RNFT1: variants seen among roughly 807,000 people sequenced by gnomAD.
RNFT1 encodes the protein ring finger protein, transmembrane 1, also known as E3 ubiquitin-protein ligase RNFT1.
RNFT1 carries 35 observed loss-of-function variants against 53.2 expected under a neutral mutation model. That is an observed-to-expected ratio of 0.66 (90% CI 0.50 to 0.87). RNFT1 has a LOEUF of 0.87. Ranked by LOEUF, RNFT1 falls within the 40% of genes least tolerant of loss-of-function variation. The pLI is 0.00. For missense variants in RNFT1, 421 were observed against 515.0 expected (o/e 0.82, Z 1.77); for synonymous variants, 141 against 172.8 (o/e 0.82, Z 1.44).
At chr17:59,955,829 G>A (rs1376510557) in intron 7 of RNFT1, among the ~76,000 whole-genome samples, 3 of 152,132 alleles carry the variant, frequency 2.0e-5, no homozygotes, top group Non-Finnish European at 4.4e-5. Context: ...CCTGAAGTCT[G>A]CTGACCACAC....
intron 7 of RNFT1, among the ~76,000 whole-genome samples, chr17:59,954,876 TTCTTC>T (rs1403274625): frequency 2.0e-5 from 3 of 152,232 alleles, no homozygotes; most frequent in Non-Finnish European, 2.9e-5. Flanking sequence ...TATTTGAATT[TTCTTC>T]TCTTCTAATG....
In RNFT1 at chr17:59,954,113, A is replaced by C; in HGVS notation, c.1105T>G (p.Ser369Ala). 6.2e-7 allele frequency: 1 copy of C among 1,603,398 alleles called. No homozygotes were observed. Among genetic ancestry groups the C allele is most frequent in the Non-Finnish European group, 8.5e-7 (1 of 1,176,756 alleles). Residue 369 changes from serine (S) to alanine (A), a missense_variant, in exon 8 of 9, where the codon TCA (serine) becomes GCA (alanine). Ser to Ala is a moderately conservative substitution (Grantham distance 99). Transcript: ENST00000305783. The part of the protein sequence containing the change: ...YGVAASKRQC[S>A]DVDDICSICQ... ...ATTGAACAAATATCATCCACATCTG[A>C]ACACTGTCTCTTGCTGGCAGCCACT...
At chr17:59,953,187 A>C in intron 8 of RNFT1, 76 bp from the exon 9 acceptor site, 1 of 935,168 alleles carries the variant, frequency 1.1e-6, no homozygotes, top group African/African-American at 2.2e-5. Context: ...AATGAAAGGG[A>C]TTCTTTTTTT....
rs1013537709 is a variant in RNFT1, at chr17:59,957,453, T to A, written c.847-71A>T. On this transcript the variant is annotated intron_variant, in intron 5 of 8. Transcript: ENST00000305783. ...CTACATAGCACAAACAATATTAGAC[T>A]GAGAACACTGAGTATATTATACAAT... 3.1e-5 allele frequency: 31 copies of A among 1,007,788 alleles called. No individual in the cohort carries two copies. The Admixed American group carries it at 7.4e-4, about 24-fold the overall frequency. 62.4% of individuals were successfully genotyped at this position (1,007,788 alleles called of 1,614,324 possible).
rs1383213930 is a variant in RNFT1 at position 59,962,628 on chromosome 17, T to A, written c.515-12A>T. ...TCCAAGAGAAATTCCTGTTAGAAAA[T>A]AAGTTCCAGTTAATTGAAAGAAAAA... On this transcript the variant is annotated splice_polypyrimidine_tract_variant and intron_variant, in intron 2 of 8. Transcript: ENST00000305783. The A allele has an allele frequency of 1.2e-5, 19 of 1,573,834 alleles. No homozygotes were observed. The highest frequency in any genetic ancestry group is 1.6e-5 in the Non-Finnish European group (19 of 1,158,584).
Position 59,964,684 on chromosome 17 carries a change from G to A in RNFT1, c.-21C>T, listed in dbSNP as rs1001898939. Reference sequence around the variant, plus strand: ...GGCATACACCGCCTCCAGCCCTTCAGTCGGGGCCATCAACCGCAAACCCCG... The same window carrying A: ...GGCATACACCGCCTCCAGCCCTTCAATCGGGGCCATCAACCGCAAACCCCG... On this transcript the variant is annotated 5_prime_UTR_variant, in exon 1 of 9. Coordinates refer to ENST00000305783, the MANE Select transcript of RNFT1 (RefSeq NM_016125.4). 1.9e-6 allele frequency: 3 copies of A among 1,593,384 alleles called. No homozygotes were observed.
At chr17:59,959,013 G>C (rs931921776) in intron 4 of RNFT1, among the ~76,000 whole-genome samples, 9 of 151,914 alleles carry the variant, frequency 5.9e-5, no homozygotes, top group Non-Finnish European at 8.8e-5. Context: ...CTCTTTCCTG[G>C]GTTAGTTTTG....
chr17:59,953,337 A>G (rs1212194257), intron 8 of RNFT1, among the ~76,000 whole-genome samples: 1 of 152,078 alleles, frequency 6.6e-6, no homozygotes, highest in Non-Finnish European at 1.5e-5. Flanking sequence ...TGCCGGGATT[A>G]CAGGTGACCA....
At chr17:59,964,129 G>A (rs2045316979) in intron 1 of RNFT1, among the ~76,000 whole-genome samples, 1 of 152,180 alleles carries the variant, frequency 6.6e-6, no homozygotes, top group African/African-American at 2.4e-5. Flanking sequence ...CAGAAGAACA[G>A]AGTCGGAATC....
intron 7 of RNFT1, among the ~76,000 whole-genome samples, chr17:59,955,443 G>A (rs1863814342): frequency 6.6e-6 from 1 of 152,180 alleles, no homozygotes; most frequent in African/African-American, 2.4e-5. Flanking sequence ...ATTGATGACT[G>A]ATATCCTCTC....
At chr17:59,956,879 G>A (rs1298544799) in intron 6 of RNFT1, among the ~76,000 whole-genome samples, 7 of 152,142 alleles carry the variant, frequency 4.6e-5, no homozygotes, top group South Asian at 4.1e-4. Flanking sequence ...GTTGAGGGGT[G>A]CAGGCATGGA....
intron 4 of RNFT1, chr17:59,958,660 GA>G: frequency 1.7e-6 from 1 of 602,954 alleles, no homozygotes; most frequent in Non-Finnish European, 3.1e-6. Flanking sequence ...ATAGAATAAG[GA>G]AAAAGTCTTC....
chr17:59,958,405 G>A lies in RNFT1; in HGVS notation c.732C>T (p.Phe244=). 1 of 1,595,714 alleles carries A rather than the reference G, an allele frequency of 6.3e-7. No homozygotes were observed. Among genetic ancestry groups the A allele is most frequent in the Non-Finnish European group, 8.5e-7 (1 of 1,175,532 alleles). ...FLNPTLDHLS[F]WEVFWIVGIT... ...TTCCAACAATCCAAAATACTTCCCA[G>A]AAGCTCAAATGGTCCAAAGTAGGAT... The change falls in exon 5 of 9, where the codon TTC becomes TTT. Residue 244 remains phenylalanine, a synonymous_variant. Coordinates refer to ENST00000305783, the MANE Select transcript of RNFT1 (RefSeq NM_016125.4).
rs771557590 is a variant in RNFT1 at position 59,953,013 on chromosome 17, C to T, written c.1272G>A (p.Lys424=). The T allele has an allele frequency of 3.1e-6, 5 of 1,613,480 alleles. No individual in the cohort carries two copies. Among genetic ancestry groups the T allele is most frequent in the Non-Finnish European group, 4.2e-6 (5 of 1,179,700 alleles). Residue 424 remains lysine, a synonymous_variant, in exon 9 of 9, where the codon AAG becomes AAA. Transcript: ENST00000305783. ...GAAGGTGTGATGAAGTGGCTCCATC[C>T]TTCCATTTGTTTATATGGTCTGAAA... ...TVISDHINKW[K]DGATSSHLQI... is the part of the protein sequence containing the mutation.
intron 3 of RNFT1, among the ~76,000 whole-genome samples, chr17:59,960,437 C>CG (rs1555657520): frequency 1.5e-5 from 1 of 68,324 alleles, no homozygotes; most frequent in Non-Finnish European, 2.5e-5. Flanking sequence ...AGTCTTCTCT[C>CG]AAAAAAAAAA....
intron 7 of RNFT1, among the ~76,000 whole-genome samples, chr17:59,954,962 G>C (rs928813147): frequency 3.3e-5 from 5 of 152,134 alleles, no homozygotes; most frequent in African/African-American, 1.2e-4. Flanking sequence ...TCATTAACTA[G>C]ATGTGATGTC....
In RNFT1 at chr17:59,960,052, T is replaced by C. The variant is rs111857062; in HGVS notation, c.692+16A>G. The C allele has an allele frequency of 0.036, 57,170 of 1,580,852 alleles. 1,325 individuals carry two copies. The highest frequency in any genetic ancestry group is 0.13 in the Middle Eastern group (747 of 5,894). ...TTACATTAAAAATGTAATTGTGTAT[T>C]TGGACCTCTAATTACCTGTAATAAA... On this transcript the variant is annotated intron_variant, in intron 4 of 8. Coordinates refer to ENST00000305783, the MANE Select transcript of RNFT1 (RefSeq NM_016125.4).
intron 1 of RNFT1, among the ~76,000 whole-genome samples, chr17:59,963,797 C>CT (rs2045313821): frequency 6.6e-6 from 1 of 152,142 alleles, no homozygotes; most frequent in Non-Finnish European, 1.5e-5. Flanking sequence ...AAACACTGCA[C>CT]TTAGGTGACC....
In RNFT1 at chr17:59,961,584, C is replaced by CT. The variant is rs948473935; in HGVS notation, c.591+955dup. ...AAATTCCTTGGGTTTCATTTTCTCT[C>CT]TTTTTTTTTTTGAGATGGAGTCTCA... is the stretch of plus-strand genomic sequence containing the variant. On this transcript the variant is annotated intron_variant, in intron 3 of 8. Coordinates refer to ENST00000305783, the MANE Select transcript of RNFT1 (RefSeq NM_016125.4). 1.2e-3 allele frequency among the ~76,000 whole-genome samples: 169 copies of CT among 146,902 alleles called. 1 individual carries two copies. Among genetic ancestry groups the CT allele is most frequent in the African/African-American group, 2.7e-3 (107 of 40,348 alleles).
Sources: allele counts gnomAD v4.1 joint callset (sites outside exome capture counted in the v4.1 genomes callset), GRCh38; gene constraint gnomAD v4.1.1; transcripts MANE v1.5; gene names NCBI Gene and HGNC (gene_info 2026-07-23, HGNC 2026-07-21).